PDE7B: variants seen among roughly 807,000 people sequenced by gnomAD.
The protein encoded by PDE7B is 3',5'-cyclic-AMP phosphodiesterase 7B.
In PDE7B, 29 loss-of-function variants were observed where a neutral mutation model predicts 56.2. That is an observed-to-expected ratio of 0.52 (90% confidence interval 0.38 to 0.70). PDE7B has a LOEUF of 0.70. PDE7B is among the 30% of genes least tolerant of loss of function. The probability of loss-of-function intolerance (pLI) is 0.00; values close to 1 mark genes in which losing one functional copy is unlikely to be tolerated. For missense variants in PDE7B, 490 were observed against 565.0 expected (o/e 0.87, Z 1.35); for synonymous variants, 197 against 196.9 (o/e 1.00, Z 0.00).
chr6:135,874,388 G>A (rs978767511), intron 1 of PDE7B, among the ~76,000 whole-genome samples: 2 of 152,034 alleles, frequency 1.3e-5, no homozygotes, highest in African/African-American at 4.8e-5. Flanking sequence ...CCCTCCAAAT[G>A]CCTTTTTAGC....
chr6:136,113,261 G>T (rs1446012659), intron 3 of PDE7B, among the ~76,000 whole-genome samples: 1 of 152,120 alleles, frequency 6.6e-6, no homozygotes, highest in Non-Finnish European at 1.5e-5. Flanking sequence ...CTTGAAATAT[G>T]TTGTATACCA....
At chr6:136,109,785 T>C (rs1256730050) in intron 3 of PDE7B, among the ~76,000 whole-genome samples, 3 of 152,218 alleles carry the variant, frequency 2.0e-5, no homozygotes, top group Non-Finnish European at 2.9e-5. Flanking sequence ...ATAACGATCA[T>C]AATCATCCTT....
At chr6:135,869,079 C>A (rs1481983328) in intron 1 of PDE7B, among the ~76,000 whole-genome samples, 1 of 152,020 alleles carries the variant, frequency 6.6e-6, no homozygotes, top group African/African-American at 2.4e-5. Context: ...TGTATGTATA[C>A]TTGTACACAT....
chr6:136,151,805 G>A (rs1278565851), intron 6 of PDE7B, among the ~76,000 whole-genome samples: 1 of 56,782 alleles, frequency 1.8e-5, no homozygotes, highest in South Asian at 4.9e-4. Context: ...CAGGCTTGTT[G>A]GCAGGTGCCT....
At chr6:135,861,536 A>G (rs1207600115) in intron 1 of PDE7B, among the ~76,000 whole-genome samples, 1 of 149,762 alleles carries the variant, frequency 6.7e-6, no homozygotes, top group Non-Finnish European at 1.5e-5. Context: ...TAATAAACAT[A>G]TTTGATACCT....
intron 1 of PDE7B, among the ~76,000 whole-genome samples, chr6:135,859,395 G>C (rs1775102192): frequency 6.6e-6 from 1 of 151,958 alleles, no homozygotes; most frequent in African/African-American, 2.4e-5. Flanking sequence ...ATATTTAGTA[G>C]TTTTTATTTT....
At chr6:135,995,695 G>A (rs773718348) in intron 2 of PDE7B, among the ~76,000 whole-genome samples, 1 of 152,156 alleles carries the variant, frequency 6.6e-6, no homozygotes, top group Non-Finnish European at 1.5e-5. Context: ...TCTGAGAGAC[G>A]TTCTTACCAG....
At position 136,147,441 on chromosome 6, in the gene PDE7B, G is replaced by A. The variant is rs145460155; in HGVS notation, c.257G>A (p.Arg86His). 5.0e-5 allele frequency: 81 copies of A among 1,613,540 alleles called. No individual in the cohort carries two copies. Among genetic ancestry groups the A allele is most frequent in the South Asian group, 3.7e-4 (34 of 91,050 alleles). The part of the protein sequence containing the change: ...QRYFHASRLL[R>H]GIIPQAPLHL... Reference sequence around the variant, plus strand: ...TACTTCCATGCATCAAGGCTGCTTCGTGGAATTATACCACAAGCCCCTCTG... The same window carrying A: ...TACTTCCATGCATCAAGGCTGCTTCATGGAATTATACCACAAGCCCCTCTG... Residue 86 changes from arginine (R) to histidine (H), a missense_variant, in exon 4 of 13, where the codon CGT (arginine) becomes CAT (histidine). Transcript: ENST00000308191.
At chr6:135,934,253 T>A (rs779721279) in intron 1 of PDE7B, among the ~76,000 whole-genome samples, 1 of 152,204 alleles carries the variant, frequency 6.6e-6, no homozygotes, top group Non-Finnish European at 1.5e-5. Flanking sequence ...TAATTTTTCT[T>A]CTTGGACATT....
rs530572953 is a variant in PDE7B at position 136,100,740 on chromosome 6, C to T, written c.83-7991C>T. On this transcript the variant is annotated intron_variant, in intron 2 of 12. Coordinates refer to ENST00000308191, the MANE Select transcript of PDE7B (RefSeq NM_018945.4). Reference sequence around the variant, plus strand: ...CAGAGACAATTTGACTTCCTCTTTTCCTAATAGAATACCTTTATTTCTTTC... The same window carrying T: ...CAGAGACAATTTGACTTCCTCTTTTTCTAATAGAATACCTTTATTTCTTTC... Among the ~76,000 whole-genome samples, 23 of 152,274 alleles carry T rather than the reference C, an allele frequency of 1.5e-4. 1 individual carries two copies. In the East Asian group the frequency reaches 3.5e-3, roughly 23 times the overall value.
intron 2 of PDE7B, among the ~76,000 whole-genome samples, chr6:136,006,691 T>C (rs1775790912): frequency 6.6e-6 from 1 of 152,196 alleles, no homozygotes; most frequent in South Asian, 2.1e-4. Context: ...GGGATTGCCT[T>C]CCTAATTTGG....
chr6:136,077,152 G>C (rs920843476), intron 2 of PDE7B, among the ~76,000 whole-genome samples: 1 of 152,088 alleles, frequency 6.6e-6, no homozygotes, highest in Non-Finnish European at 1.5e-5. Context: ...TAGCACAGGA[G>C]AGAAGAAAAG....
intron 12 of PDE7B, among the ~76,000 whole-genome samples, chr6:136,189,437 G>A (rs573249695): frequency 1.2e-4 from 18 of 152,246 alleles, no homozygotes; most frequent in Admixed American, 9.8e-4. Flanking sequence ...TGGGTGTGGT[G>A]GCATGTGCCT....
chr6:135,971,281 T>C (rs1360952498), intron 2 of PDE7B, among the ~76,000 whole-genome samples: 1 of 152,164 alleles, frequency 6.6e-6, no homozygotes, highest in Non-Finnish European at 1.5e-5. Context: ...CAGATGCTTC[T>C]CTGAAGGAAC....
intron 2 of PDE7B, among the ~76,000 whole-genome samples, chr6:135,969,717 G>C (rs1007312325): frequency 6.6e-6 from 1 of 152,168 alleles, no homozygotes; most frequent in African/African-American, 2.4e-5. Context: ...TACAGGCAAA[G>C]ATTTCATGAT....
chr6:136,082,078 A>G lies in PDE7B; in HGVS notation c.83-26653A>G, dbSNP rs1340906869. ...GAGGCCCACACTCTGAGAAGCATTT[A>G]TTTACGGCTTTGAGCGAGAGTAACT... On this transcript the variant is annotated intron_variant, in intron 2 of 12. Coordinates refer to ENST00000308191, the MANE Select transcript of PDE7B (RefSeq NM_018945.4). 4.6e-5 allele frequency among the ~76,000 whole-genome samples: 7 copies of G among 152,144 alleles called. No individual in the cohort carries two copies. In the East Asian group the frequency reaches 1.3e-3, roughly 29 times the overall value.
At chr6:136,074,214 CAG>C (rs1278256710) in intron 2 of PDE7B, among the ~76,000 whole-genome samples, 1 of 144,636 alleles carries the variant, frequency 6.9e-6, no homozygotes, top group Admixed American at 6.9e-5. Context: ...TCCTGGGTGA[CAG>C]AGAGACCTTG....
At chr6:136,172,492 T>C (rs1175194634) in intron 8 of PDE7B, among the ~76,000 whole-genome samples, 1 of 152,230 alleles carries the variant, frequency 6.6e-6, no homozygotes, top group African/African-American at 2.4e-5. Context: ...GTTATTTTTT[T>C]CTTGTAAATT....
intron 3 of PDE7B, among the ~76,000 whole-genome samples, chr6:136,110,749 T>C (rs1777732445): frequency 6.6e-6 from 1 of 151,818 alleles, no homozygotes. Context: ...TTGCCTCTTT[T>C]ACTTTTGTAA....
Sources: allele counts gnomAD v4.1 joint callset (sites outside exome capture counted in the v4.1 genomes callset), GRCh38; gene constraint gnomAD v4.1.1; transcripts MANE v1.5; gene names NCBI Gene and HGNC (gene_info 2026-07-23, HGNC 2026-07-21).